The following HCN1 variants were observed in gnomAD, a reference collection of about 807,000 sequenced individuals.
HCN1 encodes the protein hyperpolarization activated cyclic nucleotide gated potassium channel 1.
HCN1 carries 13 observed loss-of-function variants against 78.9 expected under a neutral mutation model. That is an observed-to-expected ratio of 0.16 (90% CI 0.11 to 0.26). The LOEUF (loss-of-function observed/expected upper bound fraction) is 0.26. HCN1 is among the 10% of genes least tolerant of loss of function. The pLI is 1.00. For synonymous variants in HCN1, 552 were observed against 455.5 expected, an observed-to-expected ratio of 1.21 and a Z score of -2.70; for missense variants, 810 against 1,154.3, an observed-to-expected ratio of 0.70 and a Z score of 4.32.
intron 2 of HCN1, among the ~76,000 whole-genome samples, chr5:45,610,298 A>G (rs1034541612): frequency 3.3e-5 from 5 of 152,078 alleles, no homozygotes; most frequent in Admixed American, 2.6e-4. Flanking sequence ...CTATAGAACT[A>G]TCTGTGAAAA....
chr5:45,556,833 G>A (rs1294038783), intron 2 of HCN1, among the ~76,000 whole-genome samples: 2 of 151,596 alleles, frequency 1.3e-5, no homozygotes, highest in African/African-American at 2.4e-5. Flanking sequence ...TGTGAATAGC[G>A]AACACTATTC....
chr5:45,489,081 G>A (rs1176761289), intron 2 of HCN1, among the ~76,000 whole-genome samples: 1 of 152,170 alleles, frequency 6.6e-6, no homozygotes, highest in African/African-American at 2.4e-5. Flanking sequence ...CCTGAGCAGG[G>A]AATCGTTAAC....
intron 2 of HCN1, among the ~76,000 whole-genome samples, chr5:45,466,452 C>T (rs936606081): frequency 6.6e-6 from 1 of 152,004 alleles, no homozygotes; most frequent in South Asian, 2.1e-4. Context: ...AATACACCTT[C>T]GTAAGTATCA....
At chr5:45,514,535 C>T (rs1265473245) in intron 2 of HCN1, among the ~76,000 whole-genome samples, 2 of 152,098 alleles carry the variant, frequency 1.3e-5, no homozygotes, top group African/African-American at 4.8e-5. Flanking sequence ...AGTTCCAATT[C>T]TATTTTTCAA....
intron 2 of HCN1, among the ~76,000 whole-genome samples, chr5:45,577,788 A>G (rs1743978666): frequency 6.6e-6 from 1 of 152,098 alleles, no homozygotes; most frequent in African/African-American, 2.4e-5. Flanking sequence ...TTATTTCCTT[A>G]AATGTACTTA....
At chr5:45,337,925 C>A (rs924255216) in intron 5 of HCN1, among the ~76,000 whole-genome samples, 3 of 152,084 alleles carry the variant, frequency 2.0e-5, no homozygotes, top group Admixed American at 2.0e-4. Context: ...ATTTTTGCCA[C>A]AAAAGTGAAA....
chr5:45,575,924 G>A (rs999190300), intron 2 of HCN1: 1 of 152,016 alleles, frequency 6.6e-6, no homozygotes, highest in African/African-American at 2.4e-5. Context: ...ATGAAGTATA[G>A]CTGCCATAGA....
intron 5 of HCN1, among the ~76,000 whole-genome samples, chr5:45,350,015 T>C (rs555276131): frequency 1.3e-5 from 2 of 152,072 alleles, no homozygotes; most frequent in Admixed American, 1.3e-4. Context: ...TCCTCCCTAA[T>C]TCATTTTGTG....
Position 45,691,182 on chromosome 5 carries a change from T to C in HCN1, c.425+4487A>G, listed in dbSNP as rs924930808. On this transcript the variant is annotated intron_variant, in intron 1 of 7. Transcript: ENST00000303230. ...ATACAAATAATAAGTAATATATCTT[T>C]CCAGTGCATTTAAATTTCTTTCATT... Among the ~76,000 whole-genome samples the C allele has an allele frequency of 1.1e-3, 161 of 152,146 alleles. 1 individual carries two copies. The highest frequency in any genetic ancestry group is 3.6e-3 in the African/African-American group (151 of 41,554).
At chr5:45,564,351 C>A (rs973660235) in intron 2 of HCN1, among the ~76,000 whole-genome samples, 1 of 151,872 alleles carries the variant, frequency 6.6e-6, no homozygotes, top group East Asian at 1.9e-4. Flanking sequence ...AGCTCCACCT[C>A]CTGTGTTCAC....
intron 2 of HCN1, among the ~76,000 whole-genome samples, chr5:45,583,022 G>A (rs1345901528): frequency 1.3e-5 from 2 of 152,016 alleles, no homozygotes; most frequent in Non-Finnish European, 2.9e-5. Context: ...TTTGGTATCA[G>A]GATGATGTTG....
intron 6 of HCN1, among the ~76,000 whole-genome samples, chr5:45,291,865 T>C (rs1057451011): frequency 2.0e-5 from 3 of 152,090 alleles, no homozygotes; most frequent in Non-Finnish European, 4.4e-5. Flanking sequence ...CCCAAAATAT[T>C]CTTTTATTAA....
chr5:45,506,406 A>C (rs776033859), intron 2 of HCN1, among the ~76,000 whole-genome samples: 51 of 152,138 alleles, frequency 3.4e-4, no homozygotes, highest in Non-Finnish European at 6.6e-4. Context: ...TTTGGTCTTC[A>C]ATTTAAAATT....
intron 5 of HCN1, among the ~76,000 whole-genome samples, chr5:45,346,654 C>A (rs1746720441): frequency 6.6e-6 from 1 of 152,170 alleles, no homozygotes; most frequent in African/African-American, 2.4e-5. Flanking sequence ...TCGGGTCACT[C>A]CCACCCTAAT....
intron 3 of HCN1, among the ~76,000 whole-genome samples, chr5:45,440,124 C>A (rs564332650): frequency 6.6e-6 from 1 of 151,212 alleles, no homozygotes; most frequent in African/African-American, 2.4e-5. Flanking sequence ...AAGATAGAAA[C>A]TTAGATCAAA....
chr5:45,587,566 G>A (rs1226919251), intron 2 of HCN1, among the ~76,000 whole-genome samples: 1 of 137,226 alleles, frequency 7.3e-6, no homozygotes, highest in African/African-American at 2.6e-5. Flanking sequence ...GGGGGAGGGG[G>A]GAGGGATAGC....
At chr5:45,371,928 T>G (rs1377671577) in intron 4 of HCN1, among the ~76,000 whole-genome samples, 1 of 103,782 alleles carries the variant, frequency 9.6e-6, no homozygotes, top group Non-Finnish European at 1.8e-5. Flanking sequence ...TAATATACAT[T>G]ATATTATATA....
rs1399154084 is a variant in HCN1, at chr5:45,487,544, C to CA, written c.850-25538dup. Among the ~76,000 whole-genome samples the CA allele has an allele frequency of 4.9e-5, 7 of 143,732 alleles. No homozygotes were observed. The East Asian group carries it at 1.4e-3, about 28-fold the overall frequency. 94.3% of individuals were successfully genotyped at this position (143,732 alleles called of 152,430 possible). A position where few individuals can be genotyped will look rare whatever the true frequency, so the allele number is the denominator to read the frequency against. ...TTCAAAATTAAAAGGCATATACTGT[C>CA]AGAGTTTTGCCCCTGTGTGCACTTC... is the stretch of plus-strand genomic sequence containing the variant. On this transcript the variant is annotated intron_variant, in intron 2 of 7. Coordinates refer to ENST00000303230, the MANE Select transcript of HCN1 (RefSeq NM_021072.4).
chr5:45,277,141 G>A (rs1745078340), intron 6 of HCN1, among the ~76,000 whole-genome samples: 1 of 152,040 alleles, frequency 6.6e-6, no homozygotes, highest in African/African-American at 2.4e-5. Flanking sequence ...GGAATAGAGT[G>A]GAGAGTTCTA....
Sources: allele counts gnomAD v4.1 joint callset (sites outside exome capture counted in the v4.1 genomes callset), GRCh38; gene constraint gnomAD v4.1.1; transcripts MANE v1.5; gene names NCBI Gene and HGNC (gene_info 2026-07-23, HGNC 2026-07-21).